The following PLIN4 variants were observed in gnomAD, a reference collection of about 807,000 sequenced individuals.
PLIN4 encodes perilipin 4.
Under a neutral mutation model 52.4 loss-of-function variants are expected in PLIN4, and 57 were observed. That is an observed-to-expected ratio of 1.09 (90% CI 0.88 to 1.36). PLIN4 has a LOEUF of 1.36. Among genes scored for constraint, PLIN4 ranks in the 40% most tolerant of loss-of-function variants. The pLI is 0.00. For missense variants in PLIN4, 1,757 were observed against 1,770.3 expected, an observed-to-expected ratio of 0.99 and a Z score of 0.13; for synonymous variants, 826 against 785.4, an observed-to-expected ratio of 1.05 and a Z score of -0.86.
At chr19:4,505,806 C>T (rs562893470) in intron 6 of PLIN4, among the ~76,000 whole-genome samples, 3 of 152,218 alleles carry the variant, frequency 2.0e-5, no homozygotes, top group East Asian at 3.9e-4. Context: ...CGCGTCCCCT[C>T]GGTGCCCACC....
At position 4,511,708 on chromosome 19, in the gene PLIN4, C is replaced by T. The variant is rs778005554; in HGVS notation, c.2252G>A (p.Gly751Asp). 31 of 1,174,882 alleles carry T rather than the reference C, an allele frequency of 2.6e-5. 3 individuals carry two copies. The African/African-American group carries it at 3.8e-4, about 14-fold the overall frequency. The allele number at this position is 1,174,882 out of a possible 1,614,324, so 72.8% of individuals were successfully genotyped here. Reference sequence around the variant, plus strand: ...CAGGACAGACTTTGTAGTGTCCAGGCCCCCTTGGATGGCCCCTTTGGCCAC... The same window carrying T: ...CAGGACAGACTTTGTAGTGTCCAGGTCCCCTTGGATGGCCCCTTTGGCCAC... The part of the protein sequence containing the change: ...ANVAKGAIQG[G>D]LDTTKSVLTG... Residue 751 changes from glycine to aspartate, a missense_variant, in exon 5 of 8, where the codon GGC becomes GAC. By Grantham distance (94) the Gly-to-Asp change is moderately conservative. Around this residue, in one of 7 missense-constraint regions of PLIN4, gnomAD observed 96 missense variants for 136.5 expected, o/e 0.70. Coordinates refer to ENST00000301286, the MANE Select transcript of PLIN4 (RefSeq NM_001367868.2).
Position 4,513,289 on chromosome 19 carries a change from A to T in PLIN4, c.671T>A (p.Val224Glu), listed in dbSNP as rs781545129. The change falls in exon 5 of 8, where the codon GTG (valine) becomes GAG (glutamate). Residue 224 changes from valine (V) to glutamate (E), a missense_variant. Coordinates refer to ENST00000301286, the MANE Select transcript of PLIN4 (RefSeq NM_001367868.2). ...NLAKGTVQTG[V>E]ETSKAVLTGT... Reference sequence around the variant, plus strand: ...GGTCAGCACAGCCTTGGAGGTTTCCACGCCAGTCTGGACAGTCCCTTTGGC... The same window carrying T: ...GGTCAGCACAGCCTTGGAGGTTTCCTCGCCAGTCTGGACAGTCCCTTTGGC... The T allele has an allele frequency of 6.2e-7, 1 of 1,613,622 alleles. No homozygotes were observed. Among genetic ancestry groups the T allele is most frequent in the East Asian group, 2.2e-5 (1 of 44,872 alleles).
Position 4,512,004 on chromosome 19 carries a change from C to T in PLIN4, c.1956G>A (p.Gly652=), listed in dbSNP as rs1007598443. The change falls in exon 5 of 8, where the codon GGG becomes GGA. Residue 652 remains glycine, a synonymous_variant. Coordinates refer to ENST00000301286, the MANE Select transcript of PLIN4 (RefSeq NM_001367868.2). Reference sequence around the variant, plus strand: ...TCGCGATATTTTGGGTCGTTTTCAGCCCAGTTTGCACAGCCCCCTTGGCCA... The same window carrying T: ...TCGCGATATTTTGGGTCGTTTTCAGTCCAGTTTGCACAGCCCCCTTGGCCA... The part of the protein sequence containing the change: ...VNVAKGAVQT[G]LKTTQNIATG... 3 of 1,608,340 alleles carry T rather than the reference C, an allele frequency of 1.9e-6. No homozygotes were observed. Among genetic ancestry groups the T allele is most frequent in the East Asian group, 4.5e-5 (2 of 44,492 alleles).
rs1568223504 is a variant in PLIN4 at position 4,503,446 on chromosome 19, T to TC, written c.*1012dup. On this transcript the variant is annotated 3_prime_UTR_variant, in exon 8 of 8. Coordinates refer to ENST00000301286, the MANE Select transcript of PLIN4 (RefSeq NM_001367868.2). Reference sequence around the variant, plus strand: ...ACCAGTGTCTCTGATGCCTGCAGCCTCCCCAGCCCCGCTTCCTCTGCAGCC... The same window carrying TC: ...ACCAGTGTCTCTGATGCCTGCAGCCTCCCCCAGCCCCGCTTCCTCTGCAGCC... 1 of 152,504 alleles carries TC rather than the reference T, an allele frequency of 6.6e-6. No homozygotes were observed. The highest frequency in any genetic ancestry group is 1.9e-4 in the East Asian group (1 of 5,200). 9.4% of individuals were successfully genotyped at this position (152,504 alleles called of 1,614,324 possible).
At chr19:4,504,977 G>A (rs747406910) in intron 6 of PLIN4, 30 bp from the exon 7 acceptor site, 26 of 1,565,226 alleles carry the variant, frequency 1.7e-5, no homozygotes, top group East Asian at 2.3e-5. Flanking sequence ...GGGAAATGAT[G>A]GCTTCTTGGC....
In PLIN4 at chr19:4,510,716, G is replaced by A; in HGVS notation, c.3244C>T (p.Leu1082=). 1 of 1,538,880 alleles carries A rather than the reference G, an allele frequency of 6.5e-7. No homozygotes were observed. The highest frequency in any genetic ancestry group is 8.7e-7 in the Non-Finnish European group (1 of 1,144,122). ...TTDNGGEQTA[L]SPQEAPFSGI... ...GAGAACGGGGCCTCTTGGGGGCTCA[G>A]GGCAGTCTGCTCCCCACCATTGTCT... The change falls in exon 5 of 8, where the codon CTG becomes TTG. Residue 1082 remains leucine, a synonymous_variant. Transcript: ENST00000301286.
intron 6 of PLIN4, among the ~76,000 whole-genome samples, chr19:4,506,258 C>T (rs1976089774): frequency 6.6e-6 from 1 of 152,228 alleles, no homozygotes; most frequent in Non-Finnish European, 1.5e-5. Flanking sequence ...CTCCAGCCTC[C>T]CAGGCCTCCT....
intron 6 of PLIN4, among the ~76,000 whole-genome samples, chr19:4,506,862 G>A (rs1201856410): frequency 1.3e-5 from 2 of 152,238 alleles, no homozygotes; most frequent in Non-Finnish European, 2.9e-5. Context: ...ATTGTACCGC[G>A]TGCCAGAGGC....
intron 6 of PLIN4, among the ~76,000 whole-genome samples, chr19:4,506,987 T>C (rs184529479): frequency 1.4e-3 from 216 of 152,156 alleles, no homozygotes; most frequent in Middle Eastern, 3.4e-3. Context: ...TTCTCTGGGG[T>C]GGGGCCACCC....
Position 4,511,927 on chromosome 19 carries a change from G to A in PLIN4, c.2033C>T (p.Ala678Val). ...TACACCTGTCTGGGCAGCCCCTTTG[G>A]CCACATTCACAGCACTGGTCACCCC... The part of the protein sequence containing the change: ...GSGVTSAVNV[A>V]KGAAQTGVDT... Residue 678 changes from alanine (A) to valine (V), a missense_variant, in exon 5 of 8, where the codon GCC becomes GTC. Physicochemically the swap from Ala to Val is moderately conservative, Grantham distance 64. Coordinates refer to ENST00000301286, the MANE Select transcript of PLIN4 (RefSeq NM_001367868.2). The A allele has an allele frequency of 6.3e-7, 1 of 1,598,400 alleles. No individual in the cohort carries two copies. The highest frequency in any genetic ancestry group is 8.6e-7 in the Non-Finnish European group (1 of 1,169,300).
chr19:4,505,468 A>T (rs1348093596), intron 6 of PLIN4, among the ~76,000 whole-genome samples: 1 of 152,104 alleles, frequency 6.6e-6, no homozygotes, highest in Non-Finnish European at 1.5e-5. Context: ...CCTTGGTGAG[A>T]CCTTCCTGGC....
chr19:4,510,788 T>TGTCC lies in PLIN4; in HGVS notation c.3171_3172insGGAC (p.Ser1058GlyfsTer63). Reference sequence around the variant, plus strand: ...CCACCCCAGGAGGTGGCGGGGGTACTAGGTAACCAGTTCTGGAAGGTGCTG... The same window carrying TGTCC: ...CCACCCCAGGAGGTGGCGGGGGTACTGTCCAGGTAACCAGTTCTGGAAGGTGCTG... On this transcript the variant is annotated frameshift_variant, in exon 5 of 8. Coordinates refer to ENST00000301286, the MANE Select transcript of PLIN4 (RefSeq NM_001367868.2). LOFTEE classifies it high-confidence loss of function. The TGTCC allele has an allele frequency of 6.3e-7, 1 of 1,592,876 alleles. No homozygotes were observed. The highest frequency in any genetic ancestry group is 8.6e-7 in the Non-Finnish European group (1 of 1,166,564).
intron 4 of PLIN4, among the ~76,000 whole-genome samples, chr19:4,514,279 C>T (rs1040597550): frequency 4.6e-5 from 7 of 152,046 alleles, no homozygotes; most frequent in Admixed American, 2.0e-4. Context: ...AAACAAGACC[C>T]AGTCTCTACA....
At position 4,512,325 on chromosome 19, in the gene PLIN4, C is replaced by T. The variant is rs1395275336; in HGVS notation, c.1635G>A (p.Val545=). The change falls in exon 5 of 8, where the codon GTG becomes GTA. Residue 545 remains valine (V), a synonymous_variant. Transcript: ENST00000301286. ...GGCCCCCCTGGACGGCCCCTTTGGC[C>T]ACGTTCACAGCACTGGTCACCCCAC... ...VCSGVTSAVN[V]AKGAVQGGLD... 2 of 1,611,172 alleles carry T rather than the reference C, an allele frequency of 1.2e-6. No individual in the cohort carries two copies. The highest frequency in any genetic ancestry group is 1.7e-6 in the Non-Finnish European group (2 of 1,179,512).
chr19:4,506,728 A>G (rs894890358), intron 6 of PLIN4, among the ~76,000 whole-genome samples: 2 of 152,188 alleles, frequency 1.3e-5, no homozygotes, highest in Admixed American at 6.5e-5. Flanking sequence ...GGCCCAGGCT[A>G]CTTTGCTGTG....
At chr19:4,516,302 A>G (rs1239359350) in intron 4 of PLIN4, among the ~76,000 whole-genome samples, 7 of 152,052 alleles carry the variant, frequency 4.6e-5, no homozygotes, top group African/African-American at 1.7e-4. Flanking sequence ...TAGAAGAAAT[A>G]AAGTGCTTAC....
chr19:4,514,836 C>T (rs1438132562), intron 4 of PLIN4, among the ~76,000 whole-genome samples: 1 of 151,482 alleles, frequency 6.6e-6, no homozygotes, highest in Non-Finnish European at 1.5e-5. Flanking sequence ...TTGCTTGAGC[C>T]CACGAGTTTA....
At chr19:4,517,482 TGCCCGGGGA>T in intron 3 of PLIN4, 63 bp downstream of exon 3, 1 of 1,524,056 alleles carries the variant, frequency 6.6e-7, no homozygotes, top group Non-Finnish European at 8.8e-7. Flanking sequence ...TGGAAGTCCC[TGCCCGGGGA>T]GCTCCTTCTC....
Position 4,513,623 on chromosome 19 carries a change from C to T in PLIN4, c.337G>A (p.Val113Met), listed in dbSNP as rs775778506. ...KDAVSSGVASVVDVAKGVVQG... is the reference protein window; with the variant it reads ...KDAVSSGVASMVDVAKGVVQG... ...ACCACTCCCTTAGCCACGTCCACCA[C>T]GCTGGCCACCCCGGAGGACACGGCA... is the stretch of plus-strand genomic sequence containing the variant. Residue 113 changes from valine to methionine, a missense_variant, in exon 5 of 8, where the codon GTG becomes ATG. Around this residue, in one of 7 missense-constraint regions of PLIN4, gnomAD observed 332 missense variants for 310.8 expected, o/e 1.07. Transcript: ENST00000301286. 1.4e-5 allele frequency: 22 copies of T among 1,609,430 alleles called. No homozygotes were observed. The highest frequency in any genetic ancestry group is 4.0e-5 in the African/African-American group (3 of 74,834).
Sources: allele counts gnomAD v4.1 joint callset (sites outside exome capture counted in the v4.1 genomes callset), GRCh38; gene constraint gnomAD v4.1.1; regional missense constraint gnomAD v4.1.1; transcripts MANE v1.5; gene names NCBI Gene and HGNC (gene_info 2026-07-23, HGNC 2026-07-21).